Variants in AGMO observed in about 807,000 individuals in gnomAD.
AGMO encodes the protein glyceryl-ether monooxygenase.
Under a neutral mutation model 60.2 loss-of-function variants are expected in AGMO, and 75 were observed. The observed-to-expected ratio is 1.25, with a 90% CI of 1.03 to 1.51. The LOEUF is 1.51. AGMO is among the 40% of genes most tolerant of loss of function. The probability of loss-of-function intolerance (pLI) is 0.00; values close to 1 mark genes in which losing one functional copy is unlikely to be tolerated. For missense variants in AGMO, 763 were observed against 525.5 expected (o/e 1.45, Z -4.42); for synonymous variants, 261 against 177.1 (o/e 1.47, Z -3.76).
At chr7:15,176,385 G>A in the AGMO span, among the ~76,000 whole-genome samples, 1 of 151,770 alleles carries the variant, frequency 6.6e-6, no homozygotes, top group African/African-American at 2.4e-5. Context: ...AAATTTTTAG[G>A]ATTCAAACTG....
At chr7:15,253,834 C>T (rs1289169499) in intron 12 of AGMO, among the ~76,000 whole-genome samples, 2 of 152,112 alleles carry the variant, frequency 1.3e-5, no homozygotes, top group African/African-American at 4.8e-5. Flanking sequence ...ATTGACAAGC[C>T]TCTTCCCATC....
intron 12 of AGMO, among the ~76,000 whole-genome samples, chr7:15,240,038 A>C (rs898915944): frequency 2.0e-5 from 3 of 152,140 alleles, no homozygotes; most frequent in Non-Finnish European, 4.4e-5. Flanking sequence ...GCAACTCATT[A>C]CGAAACAGTA....
intron 12 of AGMO, among the ~76,000 whole-genome samples, chr7:15,287,229 A>G (rs1462200541): frequency 6.6e-6 from 1 of 152,176 alleles, no homozygotes; most frequent in Non-Finnish European, 1.5e-5. Context: ...ATTGAAATAA[A>G]ATATATTTTT....
chr7:15,197,919 T>C (rs1044332219), downstream of AGMO, among the ~76,000 whole-genome samples: 3 of 152,160 alleles, frequency 2.0e-5, no homozygotes, highest in Non-Finnish European at 2.9e-5. Context: ...AATTTTATTT[T>C]GGTCACTTAT....
chr7:15,211,401 G>C (rs12699694), intron 12 of AGMO, among the ~76,000 whole-genome samples: 2 of 151,794 alleles, frequency 1.3e-5, no homozygotes, highest in African/African-American at 4.8e-5. Flanking sequence ...AAGTTAAAAT[G>C]ATGCCTTTAA....
chr7:15,169,397 T>C, the AGMO span, among the ~76,000 whole-genome samples: 9 of 152,168 alleles, frequency 5.9e-5, no homozygotes, highest in Non-Finnish European at 1.2e-4. Flanking sequence ...TATTGAATCA[T>C]AGGTAGTTTG....
intron 3 of AGMO, among the ~76,000 whole-genome samples, chr7:15,541,047 C>T (rs142863477): frequency 7.2e-5 from 11 of 152,226 alleles, no homozygotes; most frequent in Admixed American, 5.2e-4. Context: ...TGTTTTCTTA[C>T]ATGTTTAGTG....
At chr7:15,405,152 A>G (rs1036886428) in intron 5 of AGMO, among the ~76,000 whole-genome samples, 5 of 151,742 alleles carry the variant, frequency 3.3e-5, no homozygotes, top group African/African-American at 7.3e-5. Context: ...TATATTATTA[A>G]TACATCCATT....
chr7:15,236,189 A>G (rs780522774), intron 12 of AGMO, among the ~76,000 whole-genome samples: 22 of 152,146 alleles, frequency 1.4e-4, no homozygotes, highest in Non-Finnish European at 2.6e-4. Flanking sequence ...ACTGAAGGCA[A>G]TAATTCTTAA....
At chr7:15,135,979 C>CTTTTTTTTTTTTTTTTTTTTTGTTTTTT in the AGMO span, among the ~76,000 whole-genome samples, 1 of 106,870 alleles carries the variant, frequency 9.4e-6, no homozygotes, top group Admixed American at 1.2e-4. Context: ...TTTTTCTTTT[C>CTTTTTTTTTTTTTTTTTTTTTGTTTTTT]TTTTTTTTTT....
At chr7:15,275,530 G>A (rs1233816266) in intron 12 of AGMO, among the ~76,000 whole-genome samples, 2 of 152,080 alleles carry the variant, frequency 1.3e-5, no homozygotes, top group Non-Finnish European at 2.9e-5. Flanking sequence ...GTAGTTGTTG[G>A]AAAGAATGTT....
chr7:15,166,399 CG>C, the AGMO span, among the ~76,000 whole-genome samples: 158 of 152,084 alleles, frequency 1.0e-3, no homozygotes, highest in African/African-American at 3.6e-3. Flanking sequence ...ATGCTGGTGT[CG>C]GGAGACCAGA....
At chr7:15,158,118 C>G in the AGMO span, among the ~76,000 whole-genome samples, 1 of 151,912 alleles carries the variant, frequency 6.6e-6, no homozygotes, top group African/African-American at 2.4e-5. Context: ...TATATTTGTT[C>G]TTCAGATTTC....
At chr7:15,395,894 A>T (rs551426952) in intron 5 of AGMO, among the ~76,000 whole-genome samples, 27 of 152,286 alleles carry the variant, frequency 1.8e-4, no homozygotes, top group African/African-American at 6.5e-4. Context: ...ATACATGTGA[A>T]TAGGTGGGGT....
the AGMO span, among the ~76,000 whole-genome samples, chr7:15,151,908 G>T: frequency 6.6e-6 from 1 of 152,078 alleles, no homozygotes; most frequent in Non-Finnish European, 1.5e-5. Context: ...TGGTCTTTTA[G>T]GTCTGTGATT....
In AGMO at chr7:15,314,455, AC is replaced by A. The variant is rs201905487; in HGVS notation, c.1263+51058del. 1.4e-4 allele frequency among the ~76,000 whole-genome samples: 21 copies of A among 152,250 alleles called. 1 individual carries two copies. In the East Asian group the frequency reaches 3.9e-3, roughly 28 times the overall value. ...AAGTTTATAAATGTTGATTTTATATACCTAATTCTTAAATTAAGACTAGGGA... is the reference window on the plus strand; with the variant it reads ...AAGTTTATAAATGTTGATTTTATATACTAATTCTTAAATTAAGACTAGGGA... On this transcript the variant is annotated intron_variant, in intron 12 of 12. Coordinates refer to ENST00000342526, the MANE Select transcript of AGMO (RefSeq NM_001004320.2).
In AGMO at chr7:15,207,778, C is replaced by A. The variant is rs142801680; in HGVS notation, c.1264-6419G>T. 5.0e-3 allele frequency among the ~76,000 whole-genome samples: 756 copies of A among 152,024 alleles called. 9 individuals carry two copies. The highest frequency in any genetic ancestry group is 0.017 in the African/African-American group (712 of 41,466). On this transcript the variant is annotated intron_variant, in intron 12 of 12. Transcript: ENST00000342526. The stretch of plus-strand genomic sequence containing the variant: ...TGAAACCACGTCTCTGCTAAAAATA[C>A]AAAAAATTAGCCGGGCTTGGTGGCG...
intron 3 of AGMO, among the ~76,000 whole-genome samples, chr7:15,491,129 A>C (rs1248614039): frequency 1.3e-5 from 2 of 152,204 alleles, no homozygotes; most frequent in African/African-American, 2.4e-5. Flanking sequence ...TCTCTGAATC[A>C]ACAAAGATGC....
the AGMO span, among the ~76,000 whole-genome samples, chr7:15,117,274 G>A: frequency 7.9e-5 from 12 of 151,992 alleles, no homozygotes; most frequent in Non-Finnish European, 1.3e-4. Context: ...GCTTGGGGAT[G>A]ATAGGAGGGT....
Sources: allele counts gnomAD v4.1 joint callset (sites outside exome capture counted in the v4.1 genomes callset), GRCh38; gene constraint gnomAD v4.1.1; transcripts MANE v1.5; gene names NCBI Gene and HGNC (gene_info 2026-07-23, HGNC 2026-07-21).